ARMC9: variants seen among roughly 807,000 people sequenced by gnomAD.
The protein encoded by ARMC9 is lisH domain-containing protein ARMC9.
In ARMC9, 94 loss-of-function variants were observed where a neutral mutation model predicts 107.0. That is an observed-to-expected ratio of 0.88 (90% CI 0.74 to 1.04). The LOEUF is 1.04. Ranked by LOEUF, ARMC9 falls within the 50% of genes least tolerant of loss-of-function variation. The pLI, the probability that ARMC9 is intolerant of heterozygous loss-of-function variation, is 0.00. For synonymous variants in ARMC9, 380 were observed against 396.9 expected (o/e 0.96, Z 0.51); for missense variants, 942 against 1,030.1 (o/e 0.91, Z 1.17).
At chr2:231,349,501 G>T (rs1373071246) in intron 21 of ARMC9, among the ~76,000 whole-genome samples, 1 of 152,146 alleles carries the variant, frequency 6.6e-6, no homozygotes. Context: ...TAAAGAATGG[G>T]CCAGGCGTGG....
At chr2:231,368,292 G>A (rs777304797) in intron 23 of ARMC9, among the ~76,000 whole-genome samples, 10 of 152,050 alleles carry the variant, frequency 6.6e-5, no homozygotes, top group East Asian at 1.9e-4. Flanking sequence ...AGATAGCCCC[G>A]CGTATCTGTG....
chr2:231,240,960 G>A (rs895344278), intron 9 of ARMC9, among the ~76,000 whole-genome samples: 1 of 152,124 alleles, frequency 6.6e-6, no homozygotes, highest in African/African-American at 2.4e-5. Flanking sequence ...AGCACTTTGG[G>A]AGGCCAAGGC....
At chr2:231,257,388 C>T in intron 10 of ARMC9, among the ~76,000 whole-genome samples, 1 of 152,152 alleles carries the variant, frequency 6.6e-6, no homozygotes, top group East Asian at 1.9e-4. Flanking sequence ...AGTTGAGAAC[C>T]TTTGACTTGG....
intron 7 of ARMC9, among the ~76,000 whole-genome samples, chr2:231,233,686 G>A (rs2125357574): frequency 6.6e-6 from 1 of 152,018 alleles, no homozygotes; most frequent in Middle Eastern, 3.4e-3. Flanking sequence ...TGAGTCAGGG[G>A]AATCGCTTGA....
At chr2:231,292,943 CAG>C (rs1213459631) in intron 18 of ARMC9, among the ~76,000 whole-genome samples, 5 of 152,158 alleles carry the variant, frequency 3.3e-5, no homozygotes, top group African/African-American at 4.8e-5. Flanking sequence ...CAGAACCTCT[CAG>C]AGAGGGGATT....
chr2:231,296,643 G>A (rs1053261001), intron 19 of ARMC9, among the ~76,000 whole-genome samples: 10 of 152,312 alleles, frequency 6.6e-5, no homozygotes, highest in Admixed American at 3.9e-4. Context: ...AGTCTCTGGC[G>A]TGAGGGGTCC....
At chr2:231,354,323 C>A (rs969995628) in intron 21 of ARMC9, among the ~76,000 whole-genome samples, 2 of 149,906 alleles carry the variant, frequency 1.3e-5, no homozygotes, top group Non-Finnish European at 3.0e-5. Context: ...TTCCTGCCCC[C>A]CTCAGGCTGG....
chr2:231,305,326 A>G (rs1054369909), intron 19 of ARMC9, among the ~76,000 whole-genome samples: 5 of 152,238 alleles, frequency 3.3e-5, no homozygotes. Context: ...TGGAAATGTC[A>G]ATGCATTTGT....
At chr2:231,226,747 T>C (rs1205160769) in intron 6 of ARMC9, 27 bp from the exon 7 acceptor site, 5 of 1,612,064 alleles carry the variant, frequency 3.1e-6, no homozygotes, top group Non-Finnish European at 3.4e-6. Context: ...TGAATGCCTG[T>C]TTTCCTGAAC....
At position 231,360,778 on chromosome 2, in the gene ARMC9, A is replaced by G; in HGVS notation, c.2156A>G (p.Glu719Gly). The G allele has an allele frequency of 6.5e-7, 1 of 1,536,112 alleles. No homozygotes were observed. Among genetic ancestry groups the G allele is most frequent in the Non-Finnish European group, 8.7e-7 (1 of 1,146,902 alleles). Residue 719 changes from glutamate to glycine, a missense_variant, in exon 23 of 25, where the codon GAG becomes GGG. Transcript: ENST00000611582. This position sits in a 1 kb window ranked among gnomAD's most constrained non-coding sequence, Gnocchi z 4.7. ...GCAGCCATCATCGCCAAGCCAGGAG[A>G]GTGGCTCCCAAGAGGACGCCAGGAA... ...SSSAIIAKPG[E>G]WLPRGRQEEP...
chr2:231,249,096 G>C (rs1450237708), intron 9 of ARMC9, among the ~76,000 whole-genome samples: 1 of 152,178 alleles, frequency 6.6e-6, no homozygotes, highest in Non-Finnish European at 1.5e-5. Flanking sequence ...GGGCTCACTG[G>C]TAGCCTCTCC....
intron 21 of ARMC9, among the ~76,000 whole-genome samples, chr2:231,350,899 T>C (rs1198335908): frequency 3.3e-5 from 5 of 149,304 alleles, no homozygotes; most frequent in African/African-American, 9.9e-5. Flanking sequence ...CTTGAGATGC[T>C]ATGCTTGGAG....
intron 9 of ARMC9, among the ~76,000 whole-genome samples, chr2:231,250,649 G>C (rs547658743): frequency 6.6e-6 from 1 of 152,306 alleles, no homozygotes; most frequent in East Asian, 1.9e-4. Flanking sequence ...GAGGATGGGG[G>C]GTGAAGGAGG....
intron 9 of ARMC9, among the ~76,000 whole-genome samples, chr2:231,240,919 T>C (rs1004063636): frequency 6.6e-6 from 1 of 152,162 alleles, no homozygotes; most frequent in African/African-American, 2.4e-5. Flanking sequence ...AACATTTTGC[T>C]GGGTGCGGTG....
intron 20 of ARMC9, among the ~76,000 whole-genome samples, chr2:231,338,525 C>A (rs1413619681): frequency 1.3e-5 from 2 of 150,270 alleles, no homozygotes; most frequent in Non-Finnish European, 3.0e-5. Context: ...CCTCGCCCGG[C>A]CCCAATTCAC....
At chr2:231,317,407 G>T (rs1188817087) in intron 19 of ARMC9, among the ~76,000 whole-genome samples, 1 of 152,178 alleles carries the variant, frequency 6.6e-6, no homozygotes, top group Non-Finnish European at 1.5e-5. Context: ...CCGACCTGAG[G>T]CAATCCTCCT....
At chr2:231,235,126 C>T in intron 7 of ARMC9, 98 bp from the exon 8 acceptor site, 2 of 1,310,944 alleles carry the variant, frequency 1.5e-6, no homozygotes, top group Non-Finnish European at 2.1e-6. Context: ...TACAAGAAAA[C>T]ATTCTGGCAA....
In ARMC9 at chr2:231,256,094, A is replaced by G. The variant is rs1003866928; in HGVS notation, c.880-492A>G. On this transcript the variant is annotated intron_variant, in intron 9 of 24. Coordinates refer to ENST00000611582, the MANE Select transcript of ARMC9 (RefSeq NM_001352754.2). ...TCCGCCAGACCGCCGCCGCGCCGCC[A>G]TCATGGACACCAGCCGTGTGCAGCC... 9.0e-6 allele frequency: 14 copies of G among 1,550,042 alleles called. No individual in the cohort carries two copies. In the East Asian group the frequency reaches 9.7e-5, roughly 11 times the overall value.
chr2:231,262,057 C>T (rs953356403), intron 11 of ARMC9, among the ~76,000 whole-genome samples: 10 of 152,048 alleles, frequency 6.6e-5, no homozygotes, highest in East Asian at 1.9e-4. Context: ...CTCTTGACCT[C>T]GTGATCCACC....
Sources: allele counts gnomAD v4.1 joint callset (sites outside exome capture counted in the v4.1 genomes callset), GRCh38; gene constraint gnomAD v4.1.1; non-coding constraint Gnocchi (gnomAD v3.1); transcripts MANE v1.5; gene names NCBI Gene and HGNC (gene_info 2026-07-23, HGNC 2026-07-21).